The following CACNA1C variants were observed in gnomAD, a reference collection of about 807,000 sequenced individuals.
The protein encoded by CACNA1C is voltage-dependent L-type calcium channel subunit alpha-1C.
A neutral mutation model predicts 229.0 loss-of-function variants in CACNA1C; 30 were observed. That is an observed-to-expected ratio of 0.13 (90% CI 0.10 to 0.18). CACNA1C has a LOEUF of 0.18. CACNA1C is among the 10% of genes least tolerant of loss of function. CACNA1C has a pLI of 1.00. For missense variants in CACNA1C, 1,658 were observed against 2,845.0 expected (o/e 0.58, Z 9.49); for synonymous variants, 1,114 against 1,132.5 (o/e 0.98, Z 0.33).
intron 1 of CACNA1C, among the ~76,000 whole-genome samples, chr12:2,063,849 C>A (rs980471044): frequency 6.6e-6 from 1 of 152,182 alleles, no homozygotes; most frequent in African/African-American, 2.4e-5. Flanking sequence ...GCAATGAACA[C>A]CAGTATTCAA....
chr12:2,338,307 C>A (rs897557147), intron 3 of CACNA1C, among the ~76,000 whole-genome samples: 1 of 152,176 alleles, frequency 6.6e-6, no homozygotes, highest in Non-Finnish European at 1.5e-5. Flanking sequence ...TCTGTATAGG[C>A]ATAATAGCAT....
chr12:2,303,785 A>C (rs1193180824), intron 3 of CACNA1C, among the ~76,000 whole-genome samples: 2 of 152,142 alleles, frequency 1.3e-5, no homozygotes, highest in Non-Finnish European at 2.9e-5. Context: ...CGCCGGGTGG[A>C]ACTCCAGGGG....
At chr12:2,640,608 G>C (rs1462534692) in intron 30 of CACNA1C, among the ~76,000 whole-genome samples, 1 of 152,152 alleles carries the variant, frequency 6.6e-6, no homozygotes, top group Non-Finnish European at 1.5e-5. Context: ...CTGGGAGGAG[G>C]GGGGCCAGAA....
chr12:2,549,262 T>C (rs1428135082), intron 9 of CACNA1C, among the ~76,000 whole-genome samples: 1 of 152,124 alleles, frequency 6.6e-6, no homozygotes, highest in Non-Finnish European at 1.5e-5. Flanking sequence ...CTACAGGCTG[T>C]CTTCTGACCA....
intron 3 of CACNA1C, among the ~76,000 whole-genome samples, chr12:2,344,500 A>G (rs1196197076): frequency 6.6e-6 from 1 of 151,796 alleles, no homozygotes; most frequent in Non-Finnish European, 1.5e-5. Context: ...AGACCAAGCA[A>G]CTCTTTTTAA....
chr12:2,612,033 C>G lies in CACNA1C; in HGVS notation c.3828+20C>G. On this transcript the variant is annotated intron_variant, in intron 29 of 46. Transcript: ENST00000399655. ...CCCAAGGTAGGCCTCTGAGAAAGAC[C>G]TTTGATTCCCAGGCATCAGGGGTGG... The G allele has an allele frequency of 1.4e-6, 2 of 1,409,618 alleles. No individual in the cohort carries two copies. Among genetic ancestry groups the G allele is most frequent in the Non-Finnish European group, 2.0e-6 (2 of 994,048 alleles). 87.3% of individuals were successfully genotyped at this position (1,409,618 alleles called of 1,614,324 possible).
intron 5 of CACNA1C, among the ~76,000 whole-genome samples, chr12:2,477,322 A>G (rs1483957586): frequency 2.0e-5 from 3 of 152,198 alleles, no homozygotes; most frequent in Admixed American, 1.3e-4. Flanking sequence ...AGAGTTGGCT[A>G]GTGAGTTATA....
intron 3 of CACNA1C, among the ~76,000 whole-genome samples, chr12:2,241,362 TG>T (rs916624912): frequency 1.3e-5 from 2 of 152,112 alleles, no homozygotes; most frequent in African/African-American, 4.8e-5. Context: ...GTGAAAGAGC[TG>T]GAGTTCAAGT....
intron 3 of CACNA1C, among the ~76,000 whole-genome samples, chr12:2,155,722 C>T (rs1302321973): frequency 3.3e-5 from 5 of 152,170 alleles, no homozygotes; most frequent in Middle Eastern, 3.4e-3. Flanking sequence ...CCTTTCCTAG[C>T]GAAAACGGGC....
chr12:2,611,836 C>T, intron 28 of CACNA1C, 67 bp from the exon 29 acceptor site: 1 of 1,013,154 alleles, frequency 9.9e-7, no homozygotes. Context: ...GAAGGCTGGG[C>T]AAAAGGTGGG....
intron 3 of CACNA1C, among the ~76,000 whole-genome samples, chr12:2,363,647 T>A (rs2097639355): frequency 6.6e-6 from 1 of 152,152 alleles, no homozygotes; most frequent in Non-Finnish European, 1.5e-5. Flanking sequence ...TTTTTCTTTC[T>A]TTCCCCTGAA....
chr12:2,246,834 C>G (rs1195269844), intron 3 of CACNA1C, among the ~76,000 whole-genome samples: 1 of 152,114 alleles, frequency 6.6e-6, no homozygotes, highest in East Asian at 1.9e-4. Context: ...ATGTCATGAC[C>G]CATCCAAGAA....
At chr12:2,459,502 G>C (rs2099484673) in intron 5 of CACNA1C, among the ~76,000 whole-genome samples, 1 of 152,154 alleles carries the variant, frequency 6.6e-6, no homozygotes, top group Non-Finnish European at 1.5e-5. Flanking sequence ...CTTGTGGCCT[G>C]TCTTAGGCTC....
At chr12:2,520,747 G>C (rs1462840303) in intron 9 of CACNA1C, among the ~76,000 whole-genome samples, 1 of 137,106 alleles carries the variant, frequency 7.3e-6, no homozygotes, top group Non-Finnish European at 1.5e-5. Flanking sequence ...AGCCATGACA[G>C]TCTTCTCATT....
At position 2,384,874 on chromosome 12, in the gene CACNA1C, T is replaced by C. The variant is rs144190930; in HGVS notation, c.478-64102T>C. On this transcript the variant is annotated intron_variant, in intron 3 of 46. Coordinates refer to ENST00000399655, the MANE Select transcript of CACNA1C (RefSeq NM_000719.7). ...CAAATCTTTTTACTTTTTGGTCTGCTAGAATTTACTGCATGCGTAGTTATC... is the reference window on the plus strand; with the variant it reads ...CAAATCTTTTTACTTTTTGGTCTGCCAGAATTTACTGCATGCGTAGTTATC... 3.0e-3 allele frequency among the ~76,000 whole-genome samples: 457 copies of C among 152,358 alleles called. 2 individuals carry two copies. Among genetic ancestry groups the C allele is most frequent in the African/African-American group, 0.01 (429 of 41,588 alleles).
intron 44 of CACNA1C, 77 bp from the exon 45 acceptor site, chr12:2,686,085 GCACC>G: frequency 1.7e-6 from 2 of 1,147,944 alleles, no homozygotes; most frequent in South Asian, 2.4e-5. Context: ...ACTGCTCCTG[GCACC>G]CCACCAGGGT....
In CACNA1C at chr12:2,667,332, T is replaced by C. The variant is rs1247065637; in HGVS notation, c.4623+550T>C. Among the ~76,000 whole-genome samples the C allele has an allele frequency of 2.0e-5, 3 of 152,032 alleles. No individual in the cohort carries two copies. The East Asian group carries it at 5.8e-4, about 29-fold the overall frequency. Reference sequence around the variant, plus strand: ...CACCGTGGCCATTCCGTGCTCCTTGTTGGGGCAATAATGAGCTGACAGAGA... The same window carrying C: ...CACCGTGGCCATTCCGTGCTCCTTGCTGGGGCAATAATGAGCTGACAGAGA... On this transcript the variant is annotated intron_variant, in intron 37 of 46. Coordinates refer to ENST00000399655, the MANE Select transcript of CACNA1C (RefSeq NM_000719.7).
chr12:1,981,498 A>G (rs1048241528), intron 1 of CACNA1C, among the ~76,000 whole-genome samples: 1 of 152,250 alleles, frequency 6.6e-6, no homozygotes, highest in Non-Finnish European at 1.5e-5. Flanking sequence ...AATATTATAC[A>G]TAAGGTAAAC....
chr12:2,585,580 A>G lies in CACNA1C; in HGVS notation c.2460+84A>G. Reference sequence around the variant, plus strand: ...GCCTTCCCAGGCCAGAACCCTGTGGAGAAGAGGAGAGAAAGAAAGACACCC... The same window carrying G: ...GCCTTCCCAGGCCAGAACCCTGTGGGGAAGAGGAGAGAAAGAAAGACACCC... On this transcript the variant is annotated intron_variant, in intron 17 of 46. Coordinates refer to ENST00000399655, the MANE Select transcript of CACNA1C (RefSeq NM_000719.7). The surrounding 1 kb of genome is among the most constrained non-coding windows in gnomAD (Gnocchi z 4.1). The G allele has an allele frequency of 7.0e-7, 1 of 1,418,858 alleles. No individual in the cohort carries two copies. The highest frequency in any genetic ancestry group is 2.5e-5 in the East Asian group (1 of 39,914). 87.9% of individuals were successfully genotyped at this position (1,418,858 alleles called of 1,614,324 possible).
Sources: allele counts gnomAD v4.1 joint callset (sites outside exome capture counted in the v4.1 genomes callset), GRCh38; gene constraint gnomAD v4.1.1; non-coding constraint Gnocchi (gnomAD v3.1); transcripts MANE v1.5; gene names NCBI Gene and HGNC (gene_info 2026-07-23, HGNC 2026-07-21).